GSG1L: variants seen among roughly 807,000 people sequenced by gnomAD.
GSG1L encodes the protein germ cell-specific gene 1-like protein.
Under a neutral mutation model 42.1 loss-of-function variants are expected in GSG1L, and 24 were observed. The observed-to-expected ratio is 0.57, with a 90% CI of 0.41 to 0.80. GSG1L has a LOEUF of 0.80. Ranked by LOEUF, GSG1L falls within the 30% of genes least tolerant of loss-of-function variation. GSG1L has a pLI of 0.00. For synonymous variants in GSG1L, 215 were observed against 203.5 expected (o/e 1.06, Z -0.48); for missense variants, 445 against 472.2 (o/e 0.94, Z 0.53).
intron 2 of GSG1L, among the ~76,000 whole-genome samples, chr16:27,920,662 G>A (rs933039770): frequency 5.3e-5 from 8 of 152,342 alleles, no homozygotes; most frequent in Non-Finnish European, 8.8e-5. Flanking sequence ...GTTCATCACG[G>A]CATGCTCCTG....
chr16:28,032,176 C>T (rs398889), intron 1 of GSG1L, among the ~76,000 whole-genome samples: 132,358 of 152,134 alleles, frequency 0.87, 57,748 homozygotes, highest in South Asian at 0.92. Flanking sequence ...TGGAGATGCA[C>T]GAACATGATG....
chr16:27,944,687 C>T (rs1165090211), intron 2 of GSG1L, among the ~76,000 whole-genome samples: 1 of 150,908 alleles, frequency 6.6e-6, no homozygotes, highest in South Asian at 2.1e-4. Context: ...ACCTTGCAAA[C>T]ATTATGCTAA....
intron 1 of GSG1L, among the ~76,000 whole-genome samples, chr16:27,987,510 A>C (rs2085398456): frequency 6.6e-6 from 1 of 152,158 alleles, no homozygotes; most frequent in African/African-American, 2.4e-5. Context: ...GAAGGGTCAG[A>C]CATTATCTTC....
At chr16:28,042,042 AG>A (rs2086112191) in intron 1 of GSG1L, among the ~76,000 whole-genome samples, 2 of 152,364 alleles carry the variant, frequency 1.3e-5, no homozygotes, top group East Asian at 1.9e-4. Flanking sequence ...CTGTTATGAA[AG>A]GAACTACAAG....
chr16:27,859,947 G>A (rs950533542), intron 3 of GSG1L, among the ~76,000 whole-genome samples: 5 of 152,104 alleles, frequency 3.3e-5, no homozygotes, highest in Non-Finnish European at 5.9e-5. Flanking sequence ...CTCCCAAAGT[G>A]CTGGTATTAC....
chr16:27,948,562 C>T (rs1195751161), intron 2 of GSG1L, among the ~76,000 whole-genome samples: 3 of 148,546 alleles, frequency 2.0e-5, no homozygotes, highest in Admixed American at 6.8e-5. Flanking sequence ...TTAGTAGAGA[C>T]GTGATTCCAC....
intron 1 of GSG1L, among the ~76,000 whole-genome samples, chr16:27,980,835 T>G (rs1043037254): frequency 6.9e-6 from 1 of 144,304 alleles, no homozygotes; most frequent in South Asian, 2.1e-4. Flanking sequence ...TGAGCTGAGA[T>G]CACGCACTGC....
chr16:28,038,367 T>C (rs1165274063), intron 1 of GSG1L, among the ~76,000 whole-genome samples: 1 of 152,184 alleles, frequency 6.6e-6, no homozygotes, highest in Non-Finnish European at 1.5e-5. Context: ...CCAGAGGCTA[T>C]GTGACATTCC....
At chr16:27,952,211 C>G (rs548469308) in intron 2 of GSG1L, among the ~76,000 whole-genome samples, 2 of 152,320 alleles carry the variant, frequency 1.3e-5, no homozygotes, top group African/African-American at 4.8e-5. Flanking sequence ...TTCAACAAAC[C>G]TTTACTAAAT....
In GSG1L at chr16:27,825,820, C is replaced by T. The variant is rs576821847; in HGVS notation, c.830+2969G>A. ...AATGGCTTTATAAGGGGCTTTTCTCCACTTTGCTCGGCATTTCTCCTTGCT... is the reference window on the plus strand; with the variant it reads ...AATGGCTTTATAAGGGGCTTTTCTCTACTTTGCTCGGCATTTCTCCTTGCT... On this transcript the variant is annotated intron_variant, in intron 5 of 6. Transcript: ENST00000447459. 1.2e-3 allele frequency among the ~76,000 whole-genome samples: 180 copies of T among 152,240 alleles called. 1 individual carries two copies. The highest frequency in any genetic ancestry group is 4.0e-3 in the African/African-American group (168 of 41,548).
intron 1 of GSG1L, among the ~76,000 whole-genome samples, chr16:28,027,473 A>G (rs1484036371): frequency 6.6e-6 from 1 of 152,148 alleles, no homozygotes; most frequent in Non-Finnish European, 1.5e-5. Flanking sequence ...GCACCATACA[A>G]TCTGGTAGTG....
In GSG1L at chr16:28,063,338, G is replaced by T; in HGVS notation, c.87C>A (p.Thr29=). ...GCTGCGTGCCCTGGCACCAGTGCGT[G>T]GTGAGGAAAGCGGTGGTGGCGAACA... ...ALLFATTAFL[T]THWCQGTQRV... is the part of the protein sequence containing the mutation. Residue 29 remains threonine (T), a synonymous_variant, in exon 1 of 7, where the codon ACC becomes ACA. Transcript: ENST00000447459. This position sits in a 1 kb window ranked among gnomAD's most constrained non-coding sequence, Gnocchi z 5.8. 1 of 1,406,752 alleles carries T rather than the reference G, an allele frequency of 7.1e-7. No homozygotes were observed. Among genetic ancestry groups the T allele is most frequent in the Non-Finnish European group, 9.3e-7 (1 of 1,073,512 alleles). 87.1% of individuals were successfully genotyped at this position (1,406,752 alleles called of 1,614,324 possible).
intron 1 of GSG1L, among the ~76,000 whole-genome samples, chr16:28,022,174 G>A (rs1375068741): frequency 1.3e-5 from 2 of 152,228 alleles, no homozygotes; most frequent in African/African-American, 4.8e-5. Flanking sequence ...TCAGGGTAAA[G>A]ATGGGGGTAG....
At chr16:28,030,844 G>A (rs2085952644) in intron 1 of GSG1L, among the ~76,000 whole-genome samples, 1 of 149,562 alleles carries the variant, frequency 6.7e-6, no homozygotes, top group South Asian at 2.2e-4. Context: ...GGAATGGGAT[G>A]GGATTGGATA....
chr16:27,869,633 C>T (rs1026914988), intron 3 of GSG1L, among the ~76,000 whole-genome samples: 5 of 110,448 alleles, frequency 4.5e-5, no homozygotes, highest in Non-Finnish European at 1.0e-4. Context: ...TCTGCGTCTC[C>T]ATCTCTCTCT....
intron 2 of GSG1L, among the ~76,000 whole-genome samples, chr16:27,903,607 A>G (rs1410379199): frequency 6.6e-6 from 1 of 152,168 alleles, no homozygotes; most frequent in South Asian, 2.1e-4. Context: ...TTTTGAGTGC[A>G]TGGTGGAGGG....
At chr16:27,812,472 T>C (rs888282267) in intron 5 of GSG1L, among the ~76,000 whole-genome samples, 2 of 152,206 alleles carry the variant, frequency 1.3e-5, no homozygotes, top group Admixed American at 6.5e-5. Flanking sequence ...AAAGCAGACA[T>C]AGACGAGATG....
intron 3 of GSG1L, among the ~76,000 whole-genome samples, chr16:27,865,573 A>G (rs1186817289): frequency 9.7e-4 from 2 of 2,064 alleles, no homozygotes; most frequent in Non-Finnish European, 1.5e-3. Context: ...ATATATATAT[A>G]CACACACACA....
At chr16:27,910,336 T>C (rs1438942630) in intron 2 of GSG1L, among the ~76,000 whole-genome samples, 1 of 152,134 alleles carries the variant, frequency 6.6e-6, no homozygotes, top group Non-Finnish European at 1.5e-5. Flanking sequence ...TCAAGAGAAA[T>C]ACTATAACTA....
Sources: allele counts gnomAD v4.1 joint callset (sites outside exome capture counted in the v4.1 genomes callset), GRCh38; gene constraint gnomAD v4.1.1; non-coding constraint Gnocchi (gnomAD v3.1); transcripts MANE v1.5; gene names NCBI Gene and HGNC (gene_info 2026-07-23, HGNC 2026-07-21).